Variants in CHORDC1 observed in about 807,000 individuals in gnomAD.
CHORDC1 encodes cysteine and histidine-rich domain-containing protein 1.
CHORDC1 carries 25 observed loss-of-function variants against 48.3 expected under a neutral mutation model. The observed-to-expected ratio is 0.52, with a 90% CI of 0.38 to 0.72. The LOEUF is 0.72. Ranked by LOEUF, CHORDC1 falls within the 30% of genes least tolerant of loss-of-function variation. The pLI is 0.00. For synonymous variants in CHORDC1, 128 were observed against 126.4 expected (o/e 1.01, Z -0.09); for missense variants, 317 against 388.7 (o/e 0.82, Z 1.55).
rs1773091647 is a variant in CHORDC1, at chr11:90,223,047, A to G, written c.-93T>C. 4 of 1,111,388 alleles carry G rather than the reference A, an allele frequency of 3.6e-6. No individual in the cohort carries two copies. The highest frequency in any genetic ancestry group is 5.3e-6 in the Non-Finnish European group (4 of 753,206). The allele number at this position is 1,111,388 out of a possible 1,614,324, so 68.8% of individuals were successfully genotyped here. A position where few individuals can be genotyped will look rare whatever the true frequency, so the allele number is the denominator to read the frequency against. ...CCGTGTCGCTAGCACCGGTCTGACG[A>G]CTGAGGCGGCTACCGGCTTCCGGAA... On this transcript the variant is annotated 5_prime_UTR_variant, in exon 1 of 11. Transcript: ENST00000320585.
chr11:90,204,562 T>C (rs1186858985), intron 8 of CHORDC1, among the ~76,000 whole-genome samples: 1 of 151,908 alleles, frequency 6.6e-6, no homozygotes, highest in Non-Finnish European at 1.5e-5. Flanking sequence ...CTATTAAATA[T>C]ACAAAAAAAT....
chr11:90,221,563 T>C (rs1591063591), intron 1 of CHORDC1, among the ~76,000 whole-genome samples: 1 of 152,184 alleles, frequency 6.6e-6, no homozygotes, highest in East Asian at 1.9e-4. Flanking sequence ...TCCCCTGTAT[T>C]CTATATTAAA....
chr11:90,218,325 G>C (rs1466478371), intron 1 of CHORDC1, 141 bp from the exon 2 acceptor site: 1 of 577,984 alleles, frequency 1.7e-6, no homozygotes, highest in Non-Finnish European at 3.0e-6. Context: ...GATTGAGTTT[G>C]ACGTGCAGCA....
Position 90,200,564 on chromosome 11 carries a change from A to G in CHORDC1, c.*1841T>C, listed in dbSNP as rs1312254427. On this transcript the variant is annotated 3_prime_UTR_variant, in exon 11 of 11. Transcript: ENST00000320585. ...GAAATATTCGGATTTTTATCTGGAC[A>G]AGAAATTCAAAGGCTCCTTAAGAAG... is the stretch of plus-strand genomic sequence containing the variant. Among the ~76,000 whole-genome samples the G allele has an allele frequency of 6.6e-6, 1 of 151,990 alleles. No homozygotes were observed. The highest frequency in any genetic ancestry group is 1.5e-5 in the Non-Finnish European group (1 of 67,870).
rs186022154 is a variant in CHORDC1 at position 90,202,993 on chromosome 11, A to G, written c.790-118T>C. ...ATTAAGCTATTTTAAGAAACTGCCA[A>G]TACTGTATTGTTTCATATGAGAAAA... is the stretch of plus-strand genomic sequence containing the variant. On this transcript the variant is annotated intron_variant, in intron 9 of 10. Coordinates refer to ENST00000320585, the MANE Select transcript of CHORDC1 (RefSeq NM_012124.3). 3.0e-5 allele frequency: 38 copies of G among 1,253,954 alleles called. No homozygotes were observed. In the East Asian group the frequency reaches 7.0e-4, roughly 23 times the overall value. 77.7% of individuals were successfully genotyped at this position (1,253,954 alleles called of 1,614,324 possible).
intron 1 of CHORDC1, among the ~76,000 whole-genome samples, chr11:90,221,334 A>G (rs1170747636): frequency 6.6e-6 from 1 of 152,142 alleles, no homozygotes; most frequent in Non-Finnish European, 1.5e-5. Flanking sequence ...TGAAAAATGT[A>G]TTCTAAGTCT....
intron 6 of CHORDC1, chr11:90,208,627 C>T (rs1394525199): frequency 6.6e-6 from 1 of 152,022 alleles, no homozygotes; most frequent in Non-Finnish European, 1.5e-5. Flanking sequence ...AGTACATATT[C>T]TATGGTTATT....
intron 6 of CHORDC1, 97 bp from the exon 7 acceptor site, chr11:90,206,369 A>T: frequency 1.4e-6 from 1 of 697,372 alleles, no homozygotes; most frequent in Non-Finnish European, 2.6e-6. Context: ...AACTTTGCAA[A>T]ATACTTAAAT....
Position 90,210,596 on chromosome 11 carries a change from T to C in CHORDC1, c.434-2A>G, listed in dbSNP as rs2135040700. 1 of 1,562,614 alleles carries C rather than the reference T, an allele frequency of 6.4e-7. No homozygotes were observed. The highest frequency in any genetic ancestry group is 8.8e-7 in the Non-Finnish European group (1 of 1,140,280). ...TCTTAATTTCATCATTGTCTTCTTC[T>C]GTAACAAAGAAAAAAAAATCAAATT... is the stretch of plus-strand genomic sequence containing the variant. On this transcript the variant is annotated splice_acceptor_variant, in intron 5 of 10. Transcript: ENST00000320585. LOFTEE classifies it high-confidence loss of function.
At chr11:90,203,480 C>T (rs919579897) in intron 8 of CHORDC1, 53 bp from the exon 9 acceptor site, 5 of 1,471,862 alleles carry the variant, frequency 3.4e-6, no homozygotes, top group Non-Finnish European at 3.7e-6. Flanking sequence ...TAATTAATTT[C>T]TTAAAAAGAG....
intron 1 of CHORDC1, among the ~76,000 whole-genome samples, chr11:90,220,937 A>C (rs1483267465): frequency 6.6e-6 from 1 of 152,146 alleles, no homozygotes; most frequent in Non-Finnish European, 1.5e-5. Flanking sequence ...AACATATGTA[A>C]GTTACCAACT....
At chr11:90,203,162 A>G in intron 9 of CHORDC1, 146 bp downstream of exon 9, 1 of 812,356 alleles carries the variant, frequency 1.2e-6, no homozygotes. Flanking sequence ...ATAGTTTCAT[A>G]GAAGTAATTT....
chr11:90,210,373 A>C lies in CHORDC1; in HGVS notation c.492+163T>G, dbSNP rs548610294. ...TATTTTCATTATTCTACTGGACATG[A>C]TGCTACTCAGAGTCTCTTATCCATG... On this transcript the variant is annotated intron_variant, in intron 6 of 10. Transcript: ENST00000320585. 9.8e-5 allele frequency among the ~76,000 whole-genome samples: 9 copies of C among 91,668 alleles called. No homozygotes were observed. In the South Asian group the frequency reaches 2.4e-3, roughly 25 times the overall value. 60.1% of individuals were successfully genotyped at this position (91,668 alleles called of 152,430 possible).
chr11:90,211,955 A>G (rs1857877424), intron 4 of CHORDC1: 2 of 152,244 alleles, frequency 1.3e-5, no homozygotes, highest in African/African-American at 2.4e-5. Context: ...TAGGCTATTC[A>G]TTCTATATCC....
rs574549316 is a variant in CHORDC1 at position 90,220,177 on chromosome 11, C to A, written c.65-1993G>T. The stretch of plus-strand genomic sequence containing the variant: ...CACAGGGAAGCCAAAAGATTGAACA[C>A]CCTTGCTCTATCACCTGATTCCTGG... On this transcript the variant is annotated intron_variant, in intron 1 of 10. Transcript: ENST00000320585. Among the ~76,000 whole-genome samples the A allele has an allele frequency of 4.0e-4, 61 of 152,252 alleles. No homozygotes were observed. In the Middle Eastern group the frequency reaches 0.017, roughly 42 times the overall value.
chr11:90,202,921 T>C, intron 9 of CHORDC1, 46 bp from the exon 10 acceptor site: 2 of 1,544,586 alleles, frequency 1.3e-6, no homozygotes, highest in Admixed American at 2.2e-5. Context: ...AAACTGAAGA[T>C]TTATGCTATC....
At chr11:90,205,166 C>G (rs781042667) in intron 8 of CHORDC1, among the ~76,000 whole-genome samples, 1 of 152,058 alleles carries the variant, frequency 6.6e-6, no homozygotes, top group Admixed American at 6.6e-5. Flanking sequence ...TAGGAAGAGG[C>G]CATGGAGCTA....
At chr11:90,210,761 T>TGAG in intron 5 of CHORDC1, 167 bp from the exon 6 acceptor site, 1 of 583,772 alleles carries the variant, frequency 1.7e-6, no homozygotes, top group East Asian at 2.9e-5. Context: ...CTTCTTCTTT[T>TGAG]GAGGACCTGG....
intron 6 of CHORDC1, chr11:90,208,077 A>AC (rs1279450275): frequency 6.6e-6 from 1 of 152,014 alleles, no homozygotes; most frequent in Admixed American, 6.6e-5. Context: ...ATTTAAAAAA[A>AC]AAAATCCAAA....
Sources: gnomAD v4.1 joint callset for allele counts (sites outside exome capture counted in the v4.1 genomes callset) on GRCh38, gnomAD v4.1.1 for gene constraint, MANE v1.5 for transcripts, NCBI Gene and HGNC (gene_info 2026-07-23, HGNC 2026-07-21) for gene names.